Variants in SGTA observed in about 807,000 individuals in gnomAD.
The protein encoded by SGTA is small glutamine rich tetratricopeptide repeat co-chaperone alpha.
SGTA carries 22 observed loss-of-function variants against 44.3 expected under a neutral mutation model. The observed-to-expected ratio is 0.50, with a 90% CI of 0.36 to 0.71. The LOEUF is 0.71. Among genes scored for constraint, SGTA ranks in the 30% least tolerant of loss-of-function variants. The pLI is 0.00. For missense variants in SGTA, 341 were observed against 435.9 expected (o/e 0.78, Z 1.94); for synonymous variants, 174 against 177.6 (o/e 0.98, Z 0.16).
intron 1 of SGTA, among the ~76,000 whole-genome samples, chr19:2,781,943 G>C (rs769865077): frequency 1.3e-5 from 2 of 151,524 alleles, no homozygotes; most frequent in Non-Finnish European, 2.9e-5. Context: ...CTGGGTTCAA[G>C]GGATTCTCCT....
Position 2,767,127 on chromosome 19 carries a change from C to A in SGTA, c.292+9G>T. Reference sequence around the variant, plus strand: ...CGAGGTGTCTGTGGGGATGGAGGTCCTCCCTTACCTTCGGTTTTGAGGCGC... The same window carrying A: ...CGAGGTGTCTGTGGGGATGGAGGTCATCCCTTACCTTCGGTTTTGAGGCGC... On this transcript the variant is annotated intron_variant, in intron 4 of 11. Transcript: ENST00000221566. This position sits in a 1 kb window ranked among gnomAD's most constrained non-coding sequence, Gnocchi z 7.3. 6.2e-7 allele frequency: 1 copy of A among 1,603,490 alleles called. No individual in the cohort carries two copies. Among genetic ancestry groups the A allele is most frequent in the South Asian group, 1.1e-5 (1 of 89,546 alleles).
chr19:2,759,480 A>C, intron 8 of SGTA, 186 bp from the exon 9 acceptor site: 1 of 593,288 alleles, frequency 1.7e-6, no homozygotes. Context: ...ACGAGCTGTG[A>C]CCTCCACATT....
intron 4 of SGTA, among the ~76,000 whole-genome samples, chr19:2,766,047 C>T (rs1256702441): frequency 6.6e-6 from 1 of 152,120 alleles, no homozygotes; most frequent in Non-Finnish European, 1.5e-5. Context: ...TGAAACCTGT[C>T]TCTACTAGAA....
In SGTA at chr19:2,757,461, C is replaced by A. The variant is rs369743800; in HGVS notation, c.828-4G>T. 16 of 1,606,668 alleles carry A rather than the reference C, an allele frequency of 1.0e-5. No individual in the cohort carries two copies. In the East Asian group the frequency reaches 1.8e-4, roughly 18 times the overall value. ...CTGCTGGGCAAACTGCTGGCCCCTG[C>A]GGGGAAGGGCACATGGGGCTCAGCC... On this transcript the variant is annotated splice_region_variant and splice_polypyrimidine_tract_variant and intron_variant, in intron 10 of 11. Coordinates refer to ENST00000221566, the MANE Select transcript of SGTA (RefSeq NM_003021.4).
chr19:2,757,957 C>T (rs532383827), intron 9 of SGTA, among the ~76,000 whole-genome samples, 175 bp from the exon 10 acceptor site: 3 of 152,310 alleles, frequency 2.0e-5, no homozygotes, highest in South Asian at 4.1e-4. Context: ...CTGTGACTTT[C>T]ACCTGCTTTC....
intron 1 of SGTA, among the ~76,000 whole-genome samples, chr19:2,780,415 A>G (rs941322839): frequency 3.9e-5 from 6 of 152,106 alleles, no homozygotes; most frequent in Non-Finnish European, 7.4e-5. Flanking sequence ...CCACCAGGAG[A>G]TCGCTGCACA....
chr19:2,781,195 G>A (rs1458673585), intron 1 of SGTA, among the ~76,000 whole-genome samples: 1 of 152,184 alleles, frequency 6.6e-6, no homozygotes, highest in Non-Finnish European at 1.5e-5. Flanking sequence ...CAGCTCTCAA[G>A]GATCCTCCAA....
chr19:2,757,475 T>C lies in SGTA; in HGVS notation c.828-18A>G, dbSNP rs767593232. ...GCTGGCCCCTGCGGGGAAGGGCACATGGGGCTCAGCCAGGGCCAGGAGGCT... is the reference window on the plus strand; with the variant it reads ...GCTGGCCCCTGCGGGGAAGGGCACACGGGGCTCAGCCAGGGCCAGGAGGCT... On this transcript the variant is annotated intron_variant, in intron 10 of 11. Transcript: ENST00000221566. 10 of 1,604,658 alleles carry C rather than the reference T, an allele frequency of 6.2e-6. No individual in the cohort carries two copies. The Middle Eastern group carries it at 4.9e-4, about 79-fold the overall frequency.
At position 2,769,003 on chromosome 19, in the gene SGTA, C is replaced by G. The variant is rs375127614; in HGVS notation, c.66G>C (p.Gly22=). Reference sequence around the variant, plus strand: ...TCTCCTGAGCATCGGACGAGAGGCCCCCGTGCCGGAGCTGGTCATGCAGGA... The same window carrying G: ...TCTCCTGAGCATCGGACGAGAGGCCGCCGTGCCGGAGCTGGTCATGCAGGA... ...IQFLHDQLRH[G]GLSSDAQESL... Residue 22 remains glycine, a synonymous_variant, in exon 2 of 12, where the codon GGG becomes GGC. Transcript: ENST00000221566. 3.5e-5 allele frequency: 56 copies of G among 1,613,948 alleles called. No individual in the cohort carries two copies. In the African/African-American group the frequency reaches 6.4e-4, roughly 18 times the overall value.
intron 1 of SGTA, among the ~76,000 whole-genome samples, chr19:2,779,602 G>A (rs1377768391): frequency 6.6e-6 from 1 of 152,236 alleles, no homozygotes; most frequent in Non-Finnish European, 1.5e-5. Context: ...ATGCTCAGGA[G>A]CCATGGCCGA....
intron 9 of SGTA, among the ~76,000 whole-genome samples, chr19:2,758,701 C>T (rs1174323977): frequency 6.6e-6 from 1 of 152,290 alleles, no homozygotes; most frequent in South Asian, 2.1e-4. Flanking sequence ...CAAGCAGCAC[C>T]GTTCACAACA....
intron 2 of SGTA, among the ~76,000 whole-genome samples, chr19:2,768,273 G>A (rs1178844733): frequency 2.6e-5 from 4 of 152,096 alleles, no homozygotes; most frequent in Non-Finnish European, 4.4e-5. Flanking sequence ...TGTGGACCCA[G>A]GGTCCTAACC....
rs996369606 is a variant in SGTA at position 2,767,121 on chromosome 19, G to A, written c.292+15C>T. 5.0e-6 allele frequency: 8 copies of A among 1,596,864 alleles called. No individual in the cohort carries two copies. Among genetic ancestry groups the A allele is most frequent in the Non-Finnish European group, 6.8e-6 (8 of 1,168,264 alleles). On this transcript the variant is annotated intron_variant, in intron 4 of 11. Coordinates refer to ENST00000221566, the MANE Select transcript of SGTA (RefSeq NM_003021.4). This position sits in a 1 kb window ranked among gnomAD's most constrained non-coding sequence, Gnocchi z 7.3. ...GTAGGGCGAGGTGTCTGTGGGGATGGAGGTCCTCCCTTACCTTCGGTTTTG... is the reference window on the plus strand; with the variant it reads ...GTAGGGCGAGGTGTCTGTGGGGATGAAGGTCCTCCCTTACCTTCGGTTTTG...
In SGTA at chr19:2,765,516, G is replaced by A. The variant is rs1385902171; in HGVS notation, c.293-231C>T. On this transcript the variant is annotated intron_variant, in intron 4 of 11. Coordinates refer to ENST00000221566, the MANE Select transcript of SGTA (RefSeq NM_003021.4). This position sits in a 1 kb window ranked among gnomAD's most constrained non-coding sequence, Gnocchi z 5.5. ...TACATCCACTAAGGGGGATGGAGGT[G>A]GGGGCGGCAGGGCCTGGCCTGGCCT... Among the ~76,000 whole-genome samples, 1 of 152,200 alleles carries A rather than the reference G, an allele frequency of 6.6e-6. No individual in the cohort carries two copies. The highest frequency in any genetic ancestry group is 1.9e-4 in the East Asian group (1 of 5,190).
chr19:2,755,633 G>A lies in SGTA; in HGVS notation c.*307C>T. Reference sequence around the variant, plus strand: ...TGCCACTTCTCTGAGAGCGGCCCGGGAGCACCCCAGGATTCTAGAAAACAC... The same window carrying A: ...TGCCACTTCTCTGAGAGCGGCCCGGAAGCACCCCAGGATTCTAGAAAACAC... On this transcript the variant is annotated 3_prime_UTR_variant, in exon 12 of 12. Coordinates refer to ENST00000221566, the MANE Select transcript of SGTA (RefSeq NM_003021.4). This position sits in a 1 kb window ranked among gnomAD's most constrained non-coding sequence, Gnocchi z 5.2. 1.0e-6 allele frequency: 1 copy of A among 985,504 alleles called. No homozygotes were observed. Among genetic ancestry groups the A allele is most frequent in the Non-Finnish European group, 1.2e-6 (1 of 829,952 alleles). 61.0% of individuals were successfully genotyped at this position (985,504 alleles called of 1,614,324 possible). A position where few individuals can be genotyped will look rare whatever the true frequency, so the allele number is the denominator to read the frequency against.
rs149456952 is a variant in SGTA, at chr19:2,755,477, C to T, written c.*463G>A. ...CCGAGCAGGCACAGGGCCGGGGTGG[C>T]CGGGAGGTCGACTCGGAAAGAGGCT... is the stretch of plus-strand genomic sequence containing the variant. On this transcript the variant is annotated 3_prime_UTR_variant, in exon 12 of 12. Transcript: ENST00000221566. The surrounding 1 kb of genome is among the most constrained non-coding windows in gnomAD (Gnocchi z 5.2). 572 of 987,484 alleles carry T rather than the reference C, an allele frequency of 5.8e-4. 2 individuals carry two copies. In the African/African-American group the frequency reaches 9.2e-3, roughly 16 times the overall value. The allele number at this position is 987,484 out of a possible 1,614,324, so 61.2% of individuals were successfully genotyped here. A position where few individuals can be genotyped will look rare whatever the true frequency, so the allele number is the denominator to read the frequency against.
At chr19:2,774,372 G>A (rs972172830) in intron 1 of SGTA, among the ~76,000 whole-genome samples, 2 of 152,318 alleles carry the variant, frequency 1.3e-5, no homozygotes, top group South Asian at 2.1e-4. Flanking sequence ...GAGGGACACG[G>A]AGGGAGGGAG....
At chr19:2,766,383 G>A (rs764890427) in intron 4 of SGTA, among the ~76,000 whole-genome samples, 10 of 151,988 alleles carry the variant, frequency 6.6e-5, no homozygotes, top group South Asian at 2.1e-4. Context: ...ACCATTTAGC[G>A]TGGACAGGCA....
rs973952049 is a variant in SGTA, at chr19:2,755,537, C to G, written c.*403G>C. 46 of 985,666 alleles carry G rather than the reference C, an allele frequency of 4.7e-5. No homozygotes were observed. The highest frequency in any genetic ancestry group is 5.5e-5 in the Non-Finnish European group (46 of 829,508). 61.1% of individuals were successfully genotyped at this position (985,666 alleles called of 1,614,324 possible). On this transcript the variant is annotated 3_prime_UTR_variant, in exon 12 of 12. Coordinates refer to ENST00000221566, the MANE Select transcript of SGTA (RefSeq NM_003021.4). The surrounding 1 kb of genome is among the most constrained non-coding windows in gnomAD (Gnocchi z 5.2). ...CGGGAGAGTTCCTGCAGACAGACCACGGGATGGGGGGCGGGGGCTGTAAAA... is the reference window on the plus strand; with the variant it reads ...CGGGAGAGTTCCTGCAGACAGACCAGGGGATGGGGGGCGGGGGCTGTAAAA...
Sources: gnomAD v4.1 joint callset for allele counts (sites outside exome capture counted in the v4.1 genomes callset) on GRCh38, gnomAD v4.1.1 for gene constraint, Gnocchi (gnomAD v3.1) non-coding constraint, MANE v1.5 for transcripts, NCBI Gene and HGNC (gene_info 2026-07-23, HGNC 2026-07-21) for gene names.